HERC4: variants seen among roughly 807,000 people sequenced by gnomAD.
HERC4 encodes probable E3 ubiquitin-protein ligase HERC4.
A neutral mutation model predicts 124.3 loss-of-function variants in HERC4; 28 were observed. That is an observed-to-expected ratio of 0.23 (90% CI 0.17 to 0.31). The LOEUF (loss-of-function observed/expected upper bound fraction) is 0.31. Ranked by LOEUF, HERC4 falls within the 10% of genes least tolerant of loss-of-function variation. The probability of loss-of-function intolerance (pLI) is 1.00; values close to 1 mark genes in which losing one functional copy is unlikely to be tolerated. For synonymous variants in HERC4, 407 were observed against 421.5 expected (o/e 0.97, Z 0.42); for missense variants, 713 against 1,229.3 (o/e 0.58, Z 6.28).
chr10:67,932,894 C>T (rs1032063946), intron 22 of HERC4, 114 bp from the exon 23 acceptor site: 1 of 886,316 alleles, frequency 1.1e-6, no homozygotes, highest in Non-Finnish European at 1.7e-6. Context: ...ATCTACGAAA[C>T]TGAGAATGTA....
chr10:67,950,315 C>A (rs1266569799), intron 19 of HERC4, among the ~76,000 whole-genome samples: 1 of 150,856 alleles, frequency 6.6e-6, no homozygotes, highest in African/African-American at 2.4e-5. Context: ...CTTGCTCTGT[C>A]CCCAGGCTGG....
At chr10:68,012,558 CATTTATCAATTAGGTTTGTTGT>C (rs1379451468) in intron 9 of HERC4, among the ~76,000 whole-genome samples, 6 of 152,172 alleles carry the variant, frequency 3.9e-5, no homozygotes, top group Non-Finnish European at 7.3e-5. Flanking sequence ...AGAACATAAA[CATTTATCAATTAGGTTTGTTGT>C]CTTATATAGG....
chr10:68,044,407 G>A lies in HERC4; in HGVS notation c.383C>T (p.Pro128Leu), dbSNP rs754530787. Reference protein sequence around the residue: ...LVGSEECIRVPRNIKSLSDIQ... With the variant: ...LVGSEECIRVLRNIKSLSDIQ... ...TCTTTCTGGTCACCTTTGTTACCTG[G>A]GTACTCTGATGCATTCCTCTGATCC... is the stretch of plus-strand genomic sequence containing the variant. The change falls in exon 4 of 25, where the codon CCC becomes CTC. Residue 128 changes from proline to leucine, a missense_variant. Transcript: ENST00000373700. 6.2e-7 allele frequency: 1 copy of A among 1,608,978 alleles called. No homozygotes were observed. The highest frequency in any genetic ancestry group is 8.5e-7 in the Non-Finnish European group (1 of 1,178,508).
chr10:67,990,189 G>GA, intron 14 of HERC4, 22 bp downstream of exon 14: 1 of 1,562,982 alleles, frequency 6.4e-7, no homozygotes, highest in East Asian at 2.3e-5. Flanking sequence ...GGTTTCAAAA[G>GA]AAAAAATATT....
At chr10:68,026,999 AAAAC>A (rs891574521) in intron 7 of HERC4, among the ~76,000 whole-genome samples, 2 of 152,194 alleles carry the variant, frequency 1.3e-5, no homozygotes, top group African/African-American at 4.8e-5. Context: ...ACTCTGTCAC[AAAAC>A]AAACAAACAA....
At chr10:68,017,466 A>T (rs1394475651) in intron 8 of HERC4, among the ~76,000 whole-genome samples, 2 of 152,202 alleles carry the variant, frequency 1.3e-5, no homozygotes. Context: ...GACATTATAA[A>T]TTTTATGTAA....
At chr10:68,026,244 C>CACCA (rs969510441) in intron 7 of HERC4, among the ~76,000 whole-genome samples, 8 of 152,164 alleles carry the variant, frequency 5.3e-5, no homozygotes, top group African/African-American at 1.7e-4. Flanking sequence ...TGCAGGCATG[C>CACCA]ACCACCACAT....
intron 3 of HERC4, among the ~76,000 whole-genome samples, chr10:68,045,044 G>A (rs954080670): frequency 2.6e-5 from 4 of 152,210 alleles, no homozygotes; most frequent in East Asian, 1.9e-4. Flanking sequence ...AAACAGGCAC[G>A]GTGTGCTGGC....
intron 19 of HERC4, among the ~76,000 whole-genome samples, chr10:67,946,123 C>T (rs1172774447): frequency 2.0e-5 from 3 of 151,670 alleles, no homozygotes; most frequent in Non-Finnish European, 4.4e-5. Flanking sequence ...CATGGTGGCA[C>T]GTGCCTATAG....
At chr10:67,974,256 T>C (rs2035449127) in intron 15 of HERC4, among the ~76,000 whole-genome samples, 1 of 151,950 alleles carries the variant, frequency 6.6e-6, no homozygotes, top group African/African-American at 2.4e-5. Flanking sequence ...CTATAAGCTG[T>C]GGCAGTAGGT....
At chr10:68,032,982 A>C in intron 6 of HERC4, 113 bp from the exon 7 acceptor site, 1 of 638,540 alleles carries the variant, frequency 1.6e-6, no homozygotes, top group Non-Finnish European at 2.9e-6. Context: ...AATAATTTTA[A>C]CTATGATTCG....
chr10:68,049,255 T>C (rs150919577), intron 3 of HERC4, among the ~76,000 whole-genome samples: 219 of 152,140 alleles, frequency 1.4e-3, no homozygotes, highest in Admixed American at 4.1e-3. Flanking sequence ...ATATTATCCA[T>C]TGGGGAAGAA....
chr10:68,031,877 C>T (rs1486626377), intron 7 of HERC4, among the ~76,000 whole-genome samples: 3 of 152,038 alleles, frequency 2.0e-5, no homozygotes, highest in Admixed American at 6.6e-5. Flanking sequence ...CCTCAGCCTC[C>T]GGAGTAGCTG....
chr10:67,994,990 C>T (rs1313383791), intron 9 of HERC4: 1 of 259,724 alleles, frequency 3.9e-6, no homozygotes, highest in Non-Finnish European at 7.6e-6. Flanking sequence ...GCATCCTATC[C>T]TTAATTTCCT....
chr10:67,976,987 G>C (rs527263977), intron 15 of HERC4, among the ~76,000 whole-genome samples: 1 of 152,174 alleles, frequency 6.6e-6, no homozygotes, highest in African/African-American at 2.4e-5. Context: ...CACAAGGACC[G>C]CAACTACTAG....
chr10:68,035,156 C>CTTT (rs34966031), intron 5 of HERC4, among the ~76,000 whole-genome samples: 7 of 139,664 alleles, frequency 5.0e-5, no homozygotes. Flanking sequence ...GACAACCACT[C>CTTT]TTTTTTTTTT....
intron 9 of HERC4, among the ~76,000 whole-genome samples, chr10:68,002,382 AAT>A (rs1421917878): frequency 5.3e-5 from 8 of 152,040 alleles, no homozygotes; most frequent in African/African-American, 1.9e-4. Context: ...GATAGTAAAA[AAT>A]ATATATGAAA....
intron 3 of HERC4, 49 bp from the exon 4 acceptor site, chr10:68,044,612 G>A (rs1345720942): frequency 1.3e-6 from 2 of 1,535,520 alleles, no homozygotes; most frequent in Admixed American, 1.9e-5. Flanking sequence ...AGAAATCAAG[G>A]AAAAAGATAT....
At chr10:68,021,808 CAAAT>C (rs548442420) in intron 8 of HERC4, among the ~76,000 whole-genome samples, 2 of 150,686 alleles carry the variant, frequency 1.3e-5, no homozygotes, top group African/African-American at 4.9e-5. Context: ...AACTCCACCT[CAAAT>C]AAATAAATAA....
Sources: gnomAD v4.1 joint callset for allele counts (sites outside exome capture counted in the v4.1 genomes callset) on GRCh38, gnomAD v4.1.1 for gene constraint, MANE v1.5 for transcripts, NCBI Gene and HGNC (gene_info 2026-07-23, HGNC 2026-07-21) for gene names.